The following COL9A2 variants were observed in gnomAD, a reference collection of about 807,000 sequenced individuals.
COL9A2 encodes collagen alpha-2(IX) chain.
In COL9A2, 66 loss-of-function variants were observed where a neutral mutation model predicts 111.6. The observed-to-expected ratio is 0.59, with a 90% confidence interval of 0.48 to 0.73. COL9A2 has a LOEUF of 0.73. Among genes scored for constraint, COL9A2 ranks in the 30% least tolerant of loss-of-function variants. COL9A2 has a pLI of 0.00. For missense variants in COL9A2, 881 were observed against 954.1 expected (o/e 0.92, Z 1.01); for synonymous variants, 353 against 364.1 (o/e 0.97, Z 0.35).
chr1:40,310,078 G>C lies in COL9A2; in HGVS notation c.792+33C>G, dbSNP rs1557800609. On this transcript the variant is annotated intron_variant, in intron 15 of 31. Coordinates refer to ENST00000372748, the MANE Select transcript of COL9A2 (RefSeq NM_001852.4). The surrounding 1 kb of genome is among the most constrained non-coding windows in gnomAD (Gnocchi z 4.9). ...TGTGGCTGTAGCTGTAGGAGCTCCA[G>C]CCTCAGGGGTAGGGGAGCAAAAAGA... 3.1e-6 allele frequency: 5 copies of C among 1,613,926 alleles called. No individual in the cohort carries two copies. The highest frequency in any genetic ancestry group is 4.2e-6 in the Non-Finnish European group (5 of 1,179,788).
In COL9A2 at chr1:40,312,387, C is replaced by T. The variant is rs372723679; in HGVS notation, c.363+69G>A. On this transcript the variant is annotated intron_variant, in intron 7 of 31. Transcript: ENST00000372748. This position sits in a 1 kb window ranked among gnomAD's most constrained non-coding sequence, Gnocchi z 6.0. ...CTCCTTCCCATGGTGGCCATTCCCT[C>T]GAAGCCTTTCTGTTGTCCCCTCCTT... The T allele has an allele frequency of 1.6e-4, 257 of 1,581,088 alleles. No homozygotes were observed. Among genetic ancestry groups the T allele is most frequent in the Non-Finnish European group, 2.2e-4 (251 of 1,159,050 alleles).
In COL9A2 at chr1:40,311,056, G is replaced by A. The variant is rs201019966; in HGVS notation, c.630+37C>T. Reference sequence around the variant, plus strand: ...CAGAGCCCTGTAGGACCATCTCCACGTATCCCTGACCCACAGCCCTCAGCC... The same window carrying A: ...CAGAGCCCTGTAGGACCATCTCCACATATCCCTGACCCACAGCCCTCAGCC... On this transcript the variant is annotated intron_variant, in intron 12 of 31. Transcript: ENST00000372748. The surrounding 1 kb of genome is among the most constrained non-coding windows in gnomAD (Gnocchi z 5.1). 1.1e-3 allele frequency: 1,788 copies of A among 1,611,812 alleles called. 1 individual carries two copies. The highest frequency in any genetic ancestry group is 2.3e-3 in the Middle Eastern group (13 of 5,648).
At chr1:40,309,851 TCTCA>T (rs373904331) in intron 16 of COL9A2, 83 bp downstream of exon 16, 18 of 1,326,610 alleles carry the variant, frequency 1.4e-5, no homozygotes, top group African/African-American at 1.2e-4. Flanking sequence ...ACTCATGCAC[TCTCA>T]CACACACAGC....
Position 40,302,258 on chromosome 1 carries a change from A to G in COL9A2, c.1792+363T>C, listed in dbSNP as rs1426909912. ...AAACCTAAGGCCCAGGGAAATTAGCAGGTAACTCGTCTGAGAGCCACGATG... is the reference window on the plus strand; with the variant it reads ...AAACCTAAGGCCCAGGGAAATTAGCGGGTAACTCGTCTGAGAGCCACGATG... On this transcript the variant is annotated intron_variant, in intron 30 of 31. Coordinates refer to ENST00000372748, the MANE Select transcript of COL9A2 (RefSeq NM_001852.4). The surrounding 1 kb of genome is among the most constrained non-coding windows in gnomAD (Gnocchi z 4.5). 6.6e-6 allele frequency among the ~76,000 whole-genome samples: 1 copy of G among 152,144 alleles called. No homozygotes were observed. Among genetic ancestry groups the G allele is most frequent in the Non-Finnish European group, 1.5e-5 (1 of 68,016 alleles).
rs998162385 is a variant in COL9A2 at position 40,313,138 on chromosome 1, TTCTTTTCTTTCCTTTC to T, written c.250-370_250-355del. Among the ~76,000 whole-genome samples the T allele has an allele frequency of 3.9e-5, 6 of 152,160 alleles. 1 individual carries two copies. On this transcript the variant is annotated intron_variant, in intron 4 of 31. Coordinates refer to ENST00000372748, the MANE Select transcript of COL9A2 (RefSeq NM_001852.4). ...ACCTTGACAACTTTTTCATTTTCTT[TTCTTTTCTTTCCTTTC>T]TCTTTTCTTTTTCTTTCTTTTTTTT... is the stretch of plus-strand genomic sequence containing the variant.
In COL9A2 at chr1:40,311,524, A is replaced by G; in HGVS notation, c.495T>C (p.Gly165=). 2 of 1,608,916 alleles carry G rather than the reference A, an allele frequency of 1.2e-6. No individual in the cohort carries two copies. The highest frequency in any genetic ancestry group is 1.7e-6 in the Non-Finnish European group (2 of 1,177,110). ...GKPGRPGTIQ[G]LEGSADFLCP... is the part of the protein sequence containing the mutation. ...CCAGGAAATCCGCACTGCCTTCCAGACCCTGGATGGTTCCCGGGCGACCCT... is the reference window on the plus strand; with the variant it reads ...CCAGGAAATCCGCACTGCCTTCCAGGCCCTGGATGGTTCCCGGGCGACCCT... Residue 165 remains glycine (G), a synonymous_variant, in exon 10 of 32, where the codon GGT becomes GGC. Transcript: ENST00000372748. The surrounding 1 kb of genome is among the most constrained non-coding windows in gnomAD (Gnocchi z 5.1).
In COL9A2 at chr1:40,309,918, A is replaced by G. The variant is rs771598566; in HGVS notation, c.846+20T>C. 2.5e-6 allele frequency: 4 copies of G among 1,613,048 alleles called. No homozygotes were observed. In the East Asian group the frequency reaches 8.9e-5, roughly 36 times the overall value. On this transcript the variant is annotated intron_variant, in intron 16 of 31. Transcript: ENST00000372748. The stretch of plus-strand genomic sequence containing the variant: ...ACTCCCCAGGGGTCCTGACTGAACA[A>G]TGGGTGCCTGAGGACTCACCTCGTC...
chr1:40,312,280 G>C lies in COL9A2; in HGVS notation c.364-168C>G. 1.9e-6 allele frequency: 2 copies of C among 1,026,864 alleles called. No homozygotes were observed. Among genetic ancestry groups the C allele is most frequent in the Non-Finnish European group, 1.5e-6 (1 of 679,056 alleles). 63.6% of individuals were successfully genotyped at this position (1,026,864 alleles called of 1,614,324 possible). On this transcript the variant is annotated intron_variant, in intron 7 of 31. Transcript: ENST00000372748. This position sits in a 1 kb window ranked among gnomAD's most constrained non-coding sequence, Gnocchi z 6.0. ...AGGCTTTAAGGACCAGAGAATTGCA[G>C]AGCCAGTGGACAGGCCCAGAGTGGG...
Position 40,301,122 on chromosome 1 carries a change from C to T in COL9A2, c.*60G>A, listed in dbSNP as rs1643907881. 6.3e-7 allele frequency: 1 copy of T among 1,584,770 alleles called. No homozygotes were observed. The highest frequency in any genetic ancestry group is 1.7e-5 in the Admixed American group (1 of 59,468). Reference sequence around the variant, plus strand: ...GGACTGGGGATGGGTGCATGTCCACCCAGAGGGGACCTGGTCCTTCCCGCC... The same window carrying T: ...GGACTGGGGATGGGTGCATGTCCACTCAGAGGGGACCTGGTCCTTCCCGCC... On this transcript the variant is annotated 3_prime_UTR_variant, in exon 32 of 32. Transcript: ENST00000372748.
Position 40,303,170 on chromosome 1 carries a change from C to G in COL9A2, c.1564G>C (p.Asp522His), listed in dbSNP as rs150020975. The G allele has an allele frequency of 1.2e-6, 2 of 1,612,054 alleles. No individual in the cohort carries two copies. The highest frequency in any genetic ancestry group is 3.3e-5 in the Admixed American group (2 of 59,830). The change falls in exon 29 of 32, where the codon GAC (aspartate) becomes CAC (histidine). Residue 522 changes from aspartate to histidine, a missense_variant. Transcript: ENST00000372748. This position sits in a 1 kb window ranked among gnomAD's most constrained non-coding sequence, Gnocchi z 4.6. ...RQGVEGRDAT[D>H]QHIVDVALKM... The stretch of plus-strand genomic sequence containing the variant: ...AGCGCCACATCCACGATGTGCTGGT[C>G]AGTGGCATCCCGGCCCTGAAAGCAG...
At position 40,303,726 on chromosome 1, in the gene COL9A2, T is replaced by A. The variant is rs1337807253; in HGVS notation, c.1402-50A>T. 13 of 775,546 alleles carry A rather than the reference T, an allele frequency of 1.7e-5. No individual in the cohort carries two copies. Among genetic ancestry groups the A allele is most frequent in the Non-Finnish European group, 1.7e-5 (10 of 579,182 alleles). 48.0% of individuals were successfully genotyped at this position (775,546 alleles called of 1,614,324 possible). Reference sequence around the variant, plus strand: ...AGAGCCGGGTGAGAAGGCGCCCGGGTGGGCGAGAGTGGGGGGTGGGGGTCG... The same window carrying A: ...AGAGCCGGGTGAGAAGGCGCCCGGGAGGGCGAGAGTGGGGGGTGGGGGTCG... On this transcript the variant is annotated intron_variant, in intron 27 of 31. Transcript: ENST00000372748. This position sits in a 1 kb window ranked among gnomAD's most constrained non-coding sequence, Gnocchi z 4.6.
chr1:40,307,489 C>A lies in COL9A2; in HGVS notation c.965G>T (p.Gly322Val), dbSNP rs1644048663. 1 of 1,614,188 alleles carries A rather than the reference C, an allele frequency of 6.2e-7. No homozygotes were observed. ...PGTPGMKGSAGQAGQPGSPGH... is the reference protein window; with the variant it reads ...PGTPGMKGSAVQAGQPGSPGH... ...TGGACTTCCGGGCTGTCCCGCCTGT[C>A]CTGCACTGCCCTGGGATAGACAGAT... Residue 322 changes from glycine to valine, a missense_variant, in exon 19 of 32, where the codon GGA (glycine) becomes GTA (valine). Physicochemically the swap from Gly to Val is moderately radical, Grantham distance 109. Transcript: ENST00000372748. The surrounding 1 kb of genome is among the most constrained non-coding windows in gnomAD (Gnocchi z 4.8).
Position 40,317,224 on chromosome 1 carries a change from G to T in COL9A2, c.-27C>A, listed in dbSNP as rs375579300. The T allele has an allele frequency of 1.1e-4, 178 of 1,551,576 alleles. No individual in the cohort carries two copies. Among genetic ancestry groups the T allele is most frequent in the Non-Finnish European group, 1.3e-4 (150 of 1,145,198 alleles). ...GCTGGCGGCGAGACCAAGGGGGACGGGTGCGTGTCCGCGCACGCACCGACG... is the reference window on the plus strand; with the variant it reads ...GCTGGCGGCGAGACCAAGGGGGACGTGTGCGTGTCCGCGCACGCACCGACG... On this transcript the variant is annotated 5_prime_UTR_variant, in exon 1 of 32. Coordinates refer to ENST00000372748, the MANE Select transcript of COL9A2 (RefSeq NM_001852.4). This position sits in a 1 kb window ranked among gnomAD's most constrained non-coding sequence, Gnocchi z 4.3.
In COL9A2 at chr1:40,301,041, C is replaced by CTT; in HGVS notation, c.*139_*140dup. On this transcript the variant is annotated 3_prime_UTR_variant, in exon 32 of 32. Transcript: ENST00000372748. ...CCCCTTCCCCCATGTTTTAGAATTCCTTTTCCTTAGGACTCCTGAGTCCCA... is the reference window on the plus strand; with the variant it reads ...CCCCTTCCCCCATGTTTTAGAATTCCTTTTTTCCTTAGGACTCCTGAGTCCCA... 1.2e-6 allele frequency: 1 copy of CTT among 867,450 alleles called. No homozygotes were observed. Among genetic ancestry groups the CTT allele is most frequent in the Non-Finnish European group, 1.8e-6 (1 of 550,846 alleles). The allele number at this position is 867,450 out of a possible 1,614,324, so 53.7% of individuals were successfully genotyped here. A position where few individuals can be genotyped will look rare whatever the true frequency, so the allele number is the denominator to read the frequency against.
intron 16 of COL9A2, among the ~76,000 whole-genome samples, chr1:40,309,732 CACAG>C (rs556979606): frequency 3.7e-4 from 56 of 152,030 alleles, no homozygotes; most frequent in African/African-American, 9.9e-4. Context: ...TACACACACT[CACAG>C]ACAGCCTCAC....
At position 40,304,493 on chromosome 1, in the gene COL9A2, C is replaced by T; in HGVS notation, c.1198G>A (p.Gly400Ser). The T allele has an allele frequency of 4.3e-6, 7 of 1,614,186 alleles. No homozygotes were observed. The South Asian group carries it at 7.7e-5, about 18-fold the overall frequency. The change falls in exon 23 of 32, where the codon GGC becomes AGC. Residue 400 changes from glycine (G) to serine (S), a missense_variant. By Grantham distance (56) the Gly-to-Ser change is moderately conservative. Coordinates refer to ENST00000372748, the MANE Select transcript of COL9A2 (RefSeq NM_001852.4). ...QGERGPVGQPGPQGRQGPKGE... is the reference protein window; with the variant it reads ...QGERGPVGQPSPQGRQGPKGE... ...GCACTCACCTGCCTTCCCTGAGGGC[C>T]TGGTTGCCCCACTGGACCCCTCTCG... is the stretch of plus-strand genomic sequence containing the variant.
intron 1 of COL9A2, 142 bp from the exon 2 acceptor site, chr1:40,315,806 G>A (rs1644210082): frequency 5.0e-6 from 3 of 596,970 alleles, no homozygotes; most frequent in Non-Finnish European, 6.1e-6. Flanking sequence ...CTTCTGTATA[G>A]CAGGCACTGT....
chr1:40,309,990 C>A lies in COL9A2; in HGVS notation c.794G>T (p.Gly265Val), dbSNP rs1448808178. ...TGGCGGTCCCCTAGGACCTTCCTCA[C>A]CCTGGCAAGAAAGACAAGCAGGAAT... Reference protein sequence around the residue: ...VGAIGATGPPGEEGPRGPPGR... With the variant: ...VGAIGATGPPVEEGPRGPPGR... Residue 265 changes from glycine to valine, a missense_variant and splice_region_variant, in exon 16 of 32, where the codon GGT becomes GTT. By Grantham distance (109) the Gly-to-Val change is moderately radical. Transcript: ENST00000372748. 2 of 1,614,180 alleles carry A rather than the reference C, an allele frequency of 1.2e-6. No individual in the cohort carries two copies. The highest frequency in any genetic ancestry group is 2.2e-5 in the East Asian group (1 of 44,884).
chr1:40,306,559 T>C (rs944998611), intron 19 of COL9A2, among the ~76,000 whole-genome samples: 1 of 151,988 alleles, frequency 6.6e-6, no homozygotes, highest in Non-Finnish European at 1.5e-5. Context: ...CCAGGAGGTA[T>C]GGAATGGAGA....
Sources: gnomAD v4.1 joint callset for allele counts (sites outside exome capture counted in the v4.1 genomes callset) on GRCh38, gnomAD v4.1.1 for gene constraint, Gnocchi (gnomAD v3.1) non-coding constraint, MANE v1.5 for transcripts, NCBI Gene and HGNC (gene_info 2026-07-23, HGNC 2026-07-21) for gene names.